Variants in WWP1 observed in about 807,000 individuals in gnomAD.
WWP1 encodes WW domain containing E3 ubiquitin protein ligase 1.
A neutral mutation model predicts 130.6 loss-of-function variants in WWP1; 49 were observed. The observed-to-expected ratio is 0.38, with a 90% CI of 0.30 to 0.48. WWP1 has a LOEUF of 0.48. WWP1 is among the 20% of genes least tolerant of loss of function. The pLI is 0.99. For missense variants in WWP1, 809 were observed against 1,100.6 expected (o/e 0.74, Z 3.75); for synonymous variants, 332 against 367.8 (o/e 0.90, Z 1.11).
intron 3 of WWP1, among the ~76,000 whole-genome samples, chr8:86,379,931 G>A (rs1315670395): frequency 6.6e-6 from 1 of 152,112 alleles, no homozygotes; most frequent in African/African-American, 2.4e-5. Flanking sequence ...ATATAAAATG[G>A]TGCAGCCACT....
At chr8:86,461,366 A>C (rs1178874520) in intron 23 of WWP1, 46 bp downstream of exon 23, 18 of 1,503,732 alleles carry the variant, frequency 1.2e-5, no homozygotes, top group Non-Finnish European at 1.6e-5. Context: ...ATTTTGTGAT[A>C]ATAATGGCCT....
chr8:86,411,779 T>G lies in WWP1; in HGVS notation c.966T>G (p.Ser322=), dbSNP rs759759294. 16 of 1,614,078 alleles carry G rather than the reference T, an allele frequency of 9.9e-6. No homozygotes were observed. Among genetic ancestry groups the G allele is most frequent in the Non-Finnish European group, 1.4e-5 (16 of 1,180,038 alleles). ...ACACCTCTAATTCTAGAAGTAGTTC[T>G]GCTTTTGAAGCAGCCAAATCAAGAC... ...EPDTSNSRSS[S]AFEAAKSRQP... Residue 322 remains serine, a synonymous_variant, in exon 9 of 25, where the codon TCT becomes TCG. Transcript: ENST00000517970.
intron 5 of WWP1, among the ~76,000 whole-genome samples, chr8:86,391,799 C>G (rs977826492): frequency 6.6e-6 from 1 of 151,888 alleles, no homozygotes; most frequent in East Asian, 1.9e-4. Flanking sequence ...TGGCAAGTAA[C>G]GAAGTCAGGA....
chr8:86,391,974 G>A (rs1011773590), intron 5 of WWP1, among the ~76,000 whole-genome samples: 2 of 152,210 alleles, frequency 1.3e-5, no homozygotes, highest in Non-Finnish European at 2.9e-5. Flanking sequence ...CTAAGAAAGA[G>A]TAGTCGGGGG....
At chr8:86,390,671 G>C (rs1807266856) in intron 5 of WWP1, among the ~76,000 whole-genome samples, 1 of 151,350 alleles carries the variant, frequency 6.6e-6, no homozygotes, top group Non-Finnish European at 1.5e-5. Flanking sequence ...CTCAGCATCA[G>C]AGGGAGACCG....
chr8:86,444,257 A>C (rs976956786), intron 18 of WWP1, among the ~76,000 whole-genome samples: 1 of 152,220 alleles, frequency 6.6e-6, no homozygotes, highest in African/African-American at 2.4e-5. Context: ...TGGCAACAAT[A>C]TTTATGGCCA....
At chr8:86,362,191 T>C (rs1823703448) in intron 1 of WWP1, among the ~76,000 whole-genome samples, 1 of 133,604 alleles carries the variant, frequency 7.5e-6, no homozygotes, top group Non-Finnish European at 1.6e-5. Flanking sequence ...TATATATATA[T>C]ATATATATAT....
chr8:86,423,678 C>G (rs1809367134), intron 9 of WWP1, among the ~76,000 whole-genome samples: 1 of 152,202 alleles, frequency 6.6e-6, no homozygotes, highest in African/African-American at 2.4e-5. Context: ...CACATTTCCC[C>G]CTTTTCTATT....
intron 8 of WWP1, among the ~76,000 whole-genome samples, chr8:86,408,266 G>C (rs1012452437): frequency 2.0e-5 from 3 of 152,106 alleles, no homozygotes; most frequent in African/African-American, 7.2e-5. Flanking sequence ...TATTATAAAG[G>C]CTCCTTGGTT....
At chr8:86,406,541 C>G (rs1470686696) in intron 8 of WWP1, among the ~76,000 whole-genome samples, 1 of 152,100 alleles carries the variant, frequency 6.6e-6, no homozygotes. Flanking sequence ...GTCCCATGCA[C>G]CCTTCACCAG....
At chr8:86,351,528 A>C (rs1399970309) in intron 1 of WWP1, among the ~76,000 whole-genome samples, 1 of 149,498 alleles carries the variant, frequency 6.7e-6, no homozygotes, top group East Asian at 2.0e-4. Flanking sequence ...TTTAGTAGAG[A>C]TGTTGCCCAG....
intron 1 of WWP1, among the ~76,000 whole-genome samples, chr8:86,346,842 C>A (rs183664414): frequency 1.3e-5 from 2 of 152,042 alleles, no homozygotes; most frequent in African/African-American, 4.8e-5. Context: ...AAAACATACA[C>A]AGATGAATTT....
intron 9 of WWP1, among the ~76,000 whole-genome samples, chr8:86,414,887 C>CCT (rs1554567403): frequency 5.4e-5 from 7 of 129,912 alleles, no homozygotes; most frequent in South Asian, 2.6e-4. Flanking sequence ...AATCCCCCCC[C>CCT]CATCCCCCCA....
chr8:86,364,772 C>G (rs770665928), intron 1 of WWP1, among the ~76,000 whole-genome samples: 59 of 149,264 alleles, frequency 4.0e-4, no homozygotes, highest in Non-Finnish European at 6.1e-4. Flanking sequence ...TGCCACTGCA[C>G]TCTATCCTGG....
intron 2 of WWP1, among the ~76,000 whole-genome samples, chr8:86,371,345 A>C (rs1824286304): frequency 6.6e-6 from 1 of 152,184 alleles, no homozygotes; most frequent in Non-Finnish European, 1.5e-5. Flanking sequence ...CAGGTACAAA[A>C]AATTTTATAA....
At chr8:86,398,320 A>G in intron 5 of WWP1, 22 bp from the exon 6 acceptor site, 1 of 1,559,900 alleles carries the variant, frequency 6.4e-7, no homozygotes, top group Non-Finnish European at 8.7e-7. Flanking sequence ...AAGCTTTTAA[A>G]TTAGAATATT....
chr8:86,373,957 C>G, intron 2 of WWP1, 73 bp from the exon 3 acceptor site: 1 of 1,104,120 alleles, frequency 9.1e-7, no homozygotes, highest in Non-Finnish European at 1.3e-6. Flanking sequence ...TTGATTTAAA[C>G]AAGTAGTTTT....
At chr8:86,400,161 T>A (rs984355302) in intron 7 of WWP1, among the ~76,000 whole-genome samples, 1 of 151,866 alleles carries the variant, frequency 6.6e-6, no homozygotes, top group Non-Finnish European at 1.5e-5. Context: ...AAACCCCGTC[T>A]CTACTAAAAA....
chr8:86,448,538 T>C, intron 20 of WWP1, 25 bp downstream of exon 20: 2 of 1,600,146 alleles, frequency 1.2e-6, no homozygotes, highest in Non-Finnish European at 1.7e-6. Context: ...CTTATTAAGC[T>C]TAATTTCTAG....
Sources: gnomAD v4.1 joint callset for allele counts (sites outside exome capture counted in the v4.1 genomes callset) on GRCh38, gnomAD v4.1.1 for gene constraint, MANE v1.5 for transcripts, NCBI Gene and HGNC (gene_info 2026-07-23, HGNC 2026-07-21) for gene names.